The following PTPRK variants were observed in gnomAD, a reference collection of about 807,000 sequenced individuals.
The protein encoded by PTPRK is protein tyrosine phosphatase receptor type K.
In PTPRK, 75 loss-of-function variants were observed where a neutral mutation model predicts 178.0. The ratio of observed to expected loss-of-function variants is 0.42; its 90% CI spans 0.35 to 0.51. The LOEUF is 0.51. Among genes scored for constraint, PTPRK ranks in the 20% least tolerant of loss-of-function variants. The pLI is 0.02. For missense variants in PTPRK, 1,441 were observed against 1,797.8 expected, an observed-to-expected ratio of 0.80 and a Z score of 3.59; for synonymous variants, 637 against 620.6, an observed-to-expected ratio of 1.03 and a Z score of -0.39.
intron 2 of PTPRK, among the ~76,000 whole-genome samples, chr6:128,360,551 A>C (rs1374915321): frequency 1.3e-5 from 2 of 152,164 alleles, no homozygotes; most frequent in African/African-American, 4.8e-5. Flanking sequence ...GTATTAACCT[A>C]ATAAGTATGG....
chr6:128,478,219 G>A (rs1851618109), intron 1 of PTPRK, among the ~76,000 whole-genome samples: 1 of 152,088 alleles, frequency 6.6e-6, no homozygotes, highest in East Asian at 1.9e-4. Context: ...ACTCCTTCAT[G>A]CCTTACTTAC....
At chr6:128,512,937 T>C (rs1857396560) in intron 1 of PTPRK, among the ~76,000 whole-genome samples, 3 of 152,226 alleles carry the variant, frequency 2.0e-5, no homozygotes, top group African/African-American at 7.2e-5. Context: ...TCAGAGGGAA[T>C]AGTATTTCCT....
intron 2 of PTPRK, among the ~76,000 whole-genome samples, chr6:128,390,933 T>G (rs1839463474): frequency 1.3e-5 from 2 of 152,150 alleles, no homozygotes; most frequent in African/African-American, 4.8e-5. Flanking sequence ...GCAACATCAT[T>G]GTTTTCAAAC....
intron 6 of PTPRK, among the ~76,000 whole-genome samples, chr6:128,194,160 A>G (rs1482572092): frequency 6.6e-6 from 1 of 150,708 alleles, no homozygotes; most frequent in Non-Finnish European, 1.5e-5. Flanking sequence ...ATCTCAGCTC[A>G]CTGCAAGCTC....
chr6:128,338,741 T>C (rs1029597533), intron 2 of PTPRK, among the ~76,000 whole-genome samples: 2 of 152,132 alleles, frequency 1.3e-5, no homozygotes, highest in Admixed American at 6.5e-5. Flanking sequence ...TTCTTATAGG[T>C]ATTCTGAATT....
At chr6:127,983,582 G>T (rs1457253791) in intron 22 of PTPRK, among the ~76,000 whole-genome samples, 3 of 152,098 alleles carry the variant, frequency 2.0e-5, no homozygotes, top group Non-Finnish European at 2.9e-5. Flanking sequence ...CTAAAGATTG[G>T]AACAAGAGTT....
intron 1 of PTPRK, among the ~76,000 whole-genome samples, chr6:128,464,672 T>TATATATATATATATAC: frequency 8.0e-6 from 1 of 124,828 alleles, no homozygotes; most frequent in African/African-American, 3.1e-5. Context: ...TATATATATA[T>TATATATATATATATAC]ATACAACAGA....
intron 11 of PTPRK, among the ~76,000 whole-genome samples, chr6:128,076,369 G>C (rs991270735): frequency 1.3e-5 from 2 of 151,956 alleles, no homozygotes; most frequent in African/African-American, 4.8e-5. Flanking sequence ...AAAGGAGGCA[G>C]GGCTCATCTG....
chr6:128,288,285 CATTA>C (rs536650167), intron 3 of PTPRK, among the ~76,000 whole-genome samples: 58 of 152,244 alleles, frequency 3.8e-4, no homozygotes, highest in African/African-American at 1.3e-3. Context: ...GCTTTCAGCA[CATTA>C]AATACTAAAT....
At chr6:128,377,007 C>A (rs1251267324) in intron 2 of PTPRK, among the ~76,000 whole-genome samples, 1 of 152,196 alleles carries the variant, frequency 6.6e-6, no homozygotes, top group Non-Finnish European at 1.5e-5. Context: ...CAACAGGTCT[C>A]TAGGGAGTTC....
chr6:128,516,814 A>T (rs1397484375), intron 1 of PTPRK, among the ~76,000 whole-genome samples: 1 of 152,128 alleles, frequency 6.6e-6, no homozygotes, highest in Non-Finnish European at 1.5e-5. Context: ...AGAGTTGAAA[A>T]CCTGAACCAA....
intron 3 of PTPRK, among the ~76,000 whole-genome samples, chr6:128,269,387 G>A (rs542592633): frequency 5.9e-5 from 9 of 151,982 alleles, no homozygotes; most frequent in African/African-American, 1.4e-4. Flanking sequence ...AGTAACAAGA[G>A]GACATCATAT....
At chr6:128,009,457 C>T (rs553175686) in intron 13 of PTPRK, among the ~76,000 whole-genome samples, 189 bp from the exon 14 acceptor site, 1 of 151,028 alleles carries the variant, frequency 6.6e-6, no homozygotes, top group South Asian at 2.1e-4. Context: ...GGAAATCTTT[C>T]TGACAAGAGG....
At chr6:128,501,811 T>A (rs1348971702) in intron 1 of PTPRK, among the ~76,000 whole-genome samples, 2 of 152,136 alleles carry the variant, frequency 1.3e-5, no homozygotes, top group Non-Finnish European at 2.9e-5. Flanking sequence ...TAGAAAATAA[T>A]GATAAAAGAC....
chr6:128,221,535 A>AT (rs1554353139), intron 5 of PTPRK, among the ~76,000 whole-genome samples: 5 of 150,054 alleles, frequency 3.3e-5, no homozygotes, highest in African/African-American at 7.4e-5. Context: ...AAAAAAAAAA[A>AT]AATAATAATA....
intron 3 of PTPRK, among the ~76,000 whole-genome samples, chr6:128,274,285 G>A (rs1820378911): frequency 6.6e-6 from 1 of 152,060 alleles, no homozygotes; most frequent in African/African-American, 2.4e-5. Context: ...AGAATACAGG[G>A]TTTACTTGCT....
chr6:128,263,763 G>T (rs1818525500), intron 3 of PTPRK, among the ~76,000 whole-genome samples: 1 of 152,108 alleles, frequency 6.6e-6, no homozygotes, highest in African/African-American at 2.4e-5. Context: ...GCACACCAGT[G>T]GTGTGCCTGA....
In PTPRK at chr6:128,322,048, A is replaced by G; in HGVS notation, c.486T>C (p.Asn162=). The change falls in exon 3 of 30, where the codon AAT becomes AAC. Residue 162 remains asparagine, a synonymous_variant. Coordinates refer to ENST00000368226, the MANE Select transcript of PTPRK (RefSeq NM_002844.4). ...AAGTACAGATGATTACCTGATATTC[A>G]TTGGGCCAAAAGGTGCTCACTGCTA... The part of the protein sequence containing the change: ...AELAVSTFWP[N]EYQVIFEAEV... 1.9e-6 allele frequency: 3 copies of G among 1,613,892 alleles called. No individual in the cohort carries two copies. The highest frequency in any genetic ancestry group is 2.5e-6 in the Non-Finnish European group (3 of 1,179,886).
chr6:128,242,735 TGTAA>T (rs1400402659), intron 3 of PTPRK, 133 bp from the exon 4 acceptor site: 9 of 1,322,958 alleles, frequency 6.8e-6, no homozygotes, highest in Non-Finnish European at 9.0e-6. Context: ...AACCTTATAA[TGTAA>T]GTAATTTCCT....
Sources: allele counts gnomAD v4.1 joint callset (sites outside exome capture counted in the v4.1 genomes callset), GRCh38; gene constraint gnomAD v4.1.1; transcripts MANE v1.5; gene names NCBI Gene and HGNC (gene_info 2026-07-23, HGNC 2026-07-21).